FSTL5: variants seen among roughly 807,000 people sequenced by gnomAD.
FSTL5 encodes the protein follistatin-related protein 5.
Under a neutral mutation model 89.1 loss-of-function variants are expected in FSTL5, and 62 were observed. The observed-to-expected ratio is 0.70, with a 90% CI of 0.57 to 0.86. The LOEUF is 0.86. Ranked by LOEUF, FSTL5 falls within the 40% of genes least tolerant of loss-of-function variation. FSTL5 has a pLI of 0.00. For missense variants in FSTL5, 1,057 were observed against 1,001.6 expected (o/e 1.06, Z -0.75); for synonymous variants, 383 against 346.2 (o/e 1.11, Z -1.18).
At chr4:161,601,266 A>C (rs1002339664) in intron 7 of FSTL5, among the ~76,000 whole-genome samples, 2 of 151,704 alleles carry the variant, frequency 1.3e-5, no homozygotes, top group South Asian at 4.2e-4. Context: ...CAAACAAAAC[A>C]AAACAAAAAA....
Position 161,912,831 on chromosome 4 carries a change from A to G in FSTL5, c.409+7573T>C, listed in dbSNP as rs551366561. ...TAGCGACTTCTTGAATGGCTTGGAC[A>G]AAAATGGTGATAATGATATGAACAA... On this transcript the variant is annotated intron_variant, in intron 4 of 15. Coordinates refer to ENST00000306100, the MANE Select transcript of FSTL5 (RefSeq NM_020116.5). Among the ~76,000 whole-genome samples the G allele has an allele frequency of 2.6e-5, 4 of 152,320 alleles. No individual in the cohort carries two copies. The East Asian group carries it at 7.7e-4, about 29-fold the overall frequency.
At chr4:161,762,802 C>A (rs888495609) in intron 5 of FSTL5, among the ~76,000 whole-genome samples, 4 of 152,042 alleles carry the variant, frequency 2.6e-5, no homozygotes, top group South Asian at 2.1e-4. Context: ...AAAATAAAAT[C>A]TTTTACACTT....
intron 13 of FSTL5, among the ~76,000 whole-genome samples, chr4:161,467,339 G>A (rs1733780938): frequency 6.6e-6 from 1 of 152,120 alleles, no homozygotes; most frequent in South Asian, 2.1e-4. Context: ...CAGTAAGGAA[G>A]TAAAACATCA....
intron 1 of FSTL5, among the ~76,000 whole-genome samples, chr4:162,144,976 T>A (rs1048845425): frequency 4.0e-5 from 6 of 148,708 alleles, no homozygotes; most frequent in African/African-American, 1.5e-4. Context: ...ATACAATGAA[T>A]ACAATATATA....
intron 1 of FSTL5, among the ~76,000 whole-genome samples, chr4:162,125,702 G>T (rs190846542): frequency 6.6e-6 from 1 of 151,818 alleles, no homozygotes; most frequent in Non-Finnish European, 1.5e-5. Context: ...TATTTGATTT[G>T]CATTTATTTT....
At position 161,795,200 on chromosome 4, in the gene FSTL5, T is replaced by C. The variant is rs544232574; in HGVS notation, c.410-19126A>G. Among the ~76,000 whole-genome samples the C allele has an allele frequency of 1.3e-4, 20 of 152,262 alleles. No individual in the cohort carries two copies. The South Asian group carries it at 3.9e-3, about 30-fold the overall frequency. Reference sequence around the variant, plus strand: ...TAGAAAATAAAAATGGAAGACATTTTAAAATTTCATATAAACAATGAATTA... The same window carrying C: ...TAGAAAATAAAAATGGAAGACATTTCAAAATTTCATATAAACAATGAATTA... On this transcript the variant is annotated intron_variant, in intron 4 of 15. Coordinates refer to ENST00000306100, the MANE Select transcript of FSTL5 (RefSeq NM_020116.5).
At chr4:161,680,765 G>C (rs934109904) in intron 6 of FSTL5, among the ~76,000 whole-genome samples, 1 of 151,836 alleles carries the variant, frequency 6.6e-6, no homozygotes, top group East Asian at 1.9e-4. Flanking sequence ...GAAAACATTT[G>C]TCAAGTAACA....
chr4:161,485,965 C>A (rs1404642448), intron 12 of FSTL5, among the ~76,000 whole-genome samples: 1 of 151,650 alleles, frequency 6.6e-6, no homozygotes, highest in Non-Finnish European at 1.5e-5. Flanking sequence ...TGGTGAAACC[C>A]CATCTCTACC....
intron 15 of FSTL5, among the ~76,000 whole-genome samples, chr4:161,416,704 G>A (rs1368454828): frequency 6.6e-6 from 1 of 151,794 alleles, no homozygotes; most frequent in African/African-American, 2.4e-5. Context: ...AATTAGCCGG[G>A]TGTGGTGGCG....
At chr4:162,129,926 C>T (rs1206125758) in intron 1 of FSTL5, among the ~76,000 whole-genome samples, 4 of 152,088 alleles carry the variant, frequency 2.6e-5, no homozygotes, top group African/African-American at 9.7e-5. Flanking sequence ...TAAATGTGCT[C>T]TTTTTAAAGA....
At chr4:162,108,840 A>T (rs1302221154) in intron 2 of FSTL5, among the ~76,000 whole-genome samples, 1 of 151,882 alleles carries the variant, frequency 6.6e-6, no homozygotes, top group Admixed American at 6.6e-5. Context: ...GCCTTATTAG[A>T]GCCATCTGAT....
intron 4 of FSTL5, among the ~76,000 whole-genome samples, chr4:161,799,446 G>GA (rs939973456): frequency 4.0e-5 from 6 of 151,184 alleles, no homozygotes; most frequent in African/African-American, 7.3e-5. Flanking sequence ...AAAAATACAT[G>GA]AAAAAAAATA....
chr4:161,478,980 T>C lies in FSTL5; in HGVS notation c.1608+2040A>G, dbSNP rs78021708. On this transcript the variant is annotated intron_variant, in intron 13 of 15. Transcript: ENST00000306100. ...CATATCCATTTATGCTCAAAATCAG[T>C]CAGTAGTTACATGTGGTAATAGAAA... 3.4e-3 allele frequency among the ~76,000 whole-genome samples: 522 copies of C among 152,054 alleles called. 3 individuals are homozygous for C. Among genetic ancestry groups the C allele is most frequent in the African/African-American group, 0.011 (471 of 41,506 alleles).
chr4:162,089,313 A>G (rs1243816802), intron 2 of FSTL5, among the ~76,000 whole-genome samples: 1 of 152,094 alleles, frequency 6.6e-6, no homozygotes, highest in Non-Finnish European at 1.5e-5. Flanking sequence ...TTCTGGGACC[A>G]CATTTTCTGA....
chr4:161,749,246 C>G (rs944593411), intron 6 of FSTL5, among the ~76,000 whole-genome samples: 8 of 152,118 alleles, frequency 5.3e-5, no homozygotes, highest in Admixed American at 1.3e-4. Flanking sequence ...TATTGCAGCA[C>G]TATTCACAAT....
chr4:161,633,847 T>C (rs1161348638), intron 7 of FSTL5, among the ~76,000 whole-genome samples: 1 of 152,082 alleles, frequency 6.6e-6, no homozygotes, highest in East Asian at 1.9e-4. Context: ...AGCAAGATAA[T>C]AAAGCTAGTT....
At chr4:161,634,741 G>A (rs1000448407) in intron 7 of FSTL5, among the ~76,000 whole-genome samples, 1 of 152,122 alleles carries the variant, frequency 6.6e-6, no homozygotes, top group Admixed American at 6.5e-5. Flanking sequence ...AACTGGGGAT[G>A]AGAAAAATGG....
intron 9 of FSTL5, among the ~76,000 whole-genome samples, chr4:161,539,760 T>TA (rs1560944394): frequency 6.6e-6 from 1 of 152,030 alleles, no homozygotes; most frequent in Non-Finnish European, 1.5e-5. Flanking sequence ...CACCTTTATT[T>TA]AAAAAAACAG....
At chr4:161,553,305 GACATT>G (rs1157411896) in intron 8 of FSTL5, among the ~76,000 whole-genome samples, 1 of 151,052 alleles carries the variant, frequency 6.6e-6, no homozygotes, top group Admixed American at 6.6e-5. Context: ...ATAAAAAGTT[GACATT>G]ACATATTAAA....
Sources: allele counts gnomAD v4.1 joint callset (sites outside exome capture counted in the v4.1 genomes callset), GRCh38; gene constraint gnomAD v4.1.1; transcripts MANE v1.5; gene names NCBI Gene and HGNC (gene_info 2026-07-23, HGNC 2026-07-21).